The following DAB1 variants were observed in gnomAD, a reference collection of about 807,000 sequenced individuals.
The protein encoded by DAB1 is DAB adaptor protein 1.
DAB1 carries 15 observed loss-of-function variants against 64.6 expected under a neutral mutation model. That is an observed-to-expected ratio of 0.23 (90% CI 0.16 to 0.36). DAB1 has a LOEUF of 0.36. Ranked by LOEUF, DAB1 falls within the 10% of genes least tolerant of loss-of-function variation. DAB1 has a pLI of 1.00. For missense variants in DAB1, 596 were observed against 706.7 expected, an observed-to-expected ratio of 0.84 and a Z score of 1.78; for synonymous variants, 235 against 251.9, an observed-to-expected ratio of 0.93 and a Z score of 0.64.
At chr1:57,421,257 T>C (rs980019939) in intron 1 of DAB1, among the ~76,000 whole-genome samples, 1 of 152,202 alleles carries the variant, frequency 6.6e-6, no homozygotes, top group Non-Finnish European at 1.5e-5. Flanking sequence ...CAATGGTGTG[T>C]CTTGCAAATG....
intron 9 of DAB1, among the ~76,000 whole-genome samples, chr1:57,053,987 T>C (rs1649488715): frequency 1.3e-5 from 2 of 151,954 alleles, no homozygotes; most frequent in South Asian, 4.1e-4. Flanking sequence ...GCGCCCGGCC[T>C]AAGAAAGTCT....
chr1:58,128,257 G>T (rs886487038), intron 5 of DAB1, among the ~76,000 whole-genome samples: 2 of 151,258 alleles, frequency 1.3e-5, no homozygotes, highest in African/African-American at 4.9e-5. Context: ...TTGGCTCTCT[G>T]TTTGTCTGTT....
intron 5 of DAB1, among the ~76,000 whole-genome samples, chr1:58,140,053 C>T (rs1231485947): frequency 6.6e-6 from 1 of 152,170 alleles, no homozygotes; most frequent in Admixed American, 6.5e-5. Context: ...GAAGATTAAC[C>T]ATCCTCCCAC....
At chr1:57,364,619 A>G (rs1035986371) in intron 1 of DAB1, among the ~76,000 whole-genome samples, 2 of 152,140 alleles carry the variant, frequency 1.3e-5, no homozygotes, top group Non-Finnish European at 2.9e-5. Context: ...AATATATTTC[A>G]TAATAGCAAA....
At chr1:57,327,290 A>C (rs1410788770) in intron 1 of DAB1, among the ~76,000 whole-genome samples, 2 of 152,132 alleles carry the variant, frequency 1.3e-5, no homozygotes, top group Non-Finnish European at 2.9e-5. Flanking sequence ...CTACAGGCCC[A>C]GGATCCCACT....
chr1:57,218,903 G>A (rs960318154), intron 2 of DAB1, among the ~76,000 whole-genome samples: 1 of 152,108 alleles, frequency 6.6e-6, no homozygotes, highest in Non-Finnish European at 1.5e-5. Flanking sequence ...GAGGGGAGGG[G>A]CTTATCTAGC....
At chr1:58,222,280 GA>G (rs200731496) in intron 4 of DAB1, among the ~76,000 whole-genome samples, 12 of 148,878 alleles carry the variant, frequency 8.1e-5, no homozygotes, top group East Asian at 2.0e-4. Flanking sequence ...TATACATTTT[GA>G]AAAAAAAAAT....
chr1:58,201,809 G>A (rs953786605), intron 4 of DAB1, among the ~76,000 whole-genome samples: 3 of 152,104 alleles, frequency 2.0e-5, no homozygotes, highest in African/African-American at 7.2e-5. Context: ...TAAAATCTGG[G>A]ACAAATTGTG....
At chr1:58,091,896 T>G (rs1004012453) in intron 5 of DAB1, among the ~76,000 whole-genome samples, 1 of 151,420 alleles carries the variant, frequency 6.6e-6, no homozygotes, top group African/African-American at 2.4e-5. Context: ...CTCCTGATTT[T>G]TTTTTTCTTT....
At chr1:57,404,253 G>A (rs993029403) in intron 1 of DAB1, among the ~76,000 whole-genome samples, 4 of 152,132 alleles carry the variant, frequency 2.6e-5, no homozygotes, top group Non-Finnish European at 5.9e-5. Flanking sequence ...GAAAAATAAT[G>A]TATTGACAGA....
At chr1:57,312,891 T>C (rs1222133703) in intron 1 of DAB1, among the ~76,000 whole-genome samples, 1 of 152,084 alleles carries the variant, frequency 6.6e-6, no homozygotes, top group Admixed American at 6.6e-5. Context: ...GGTTCCACAC[T>C]TGGCCTAATG....
intron 4 of DAB1, among the ~76,000 whole-genome samples, chr1:57,090,449 C>T (rs1653546843): frequency 1.3e-5 from 2 of 152,186 alleles, no homozygotes; most frequent in South Asian, 4.1e-4. Flanking sequence ...TCAAGGGGCT[C>T]AGCCAGTTGG....
intron 5 of DAB1, among the ~76,000 whole-genome samples, chr1:57,915,218 A>G (rs1265512766): frequency 1.3e-5 from 2 of 151,672 alleles, no homozygotes; most frequent in Non-Finnish European, 2.9e-5. Context: ...ATGGAATGGC[A>G]AAACTATTAC....
intron 4 of DAB1, among the ~76,000 whole-genome samples, chr1:58,277,439 T>C (rs1031649239): frequency 6.6e-6 from 1 of 152,214 alleles, no homozygotes; most frequent in Non-Finnish European, 1.5e-5. Flanking sequence ...TAAGATGAGA[T>C]TGAGCTTCAC....
intron 5 of DAB1, among the ~76,000 whole-genome samples, chr1:58,118,483 T>TAC (rs1652492451): frequency 2.7e-5 from 2 of 74,664 alleles, no homozygotes; most frequent in African/African-American, 1.2e-4. Flanking sequence ...TATATATATA[T>TAC]ATATATATAT....
At chr1:57,181,917 G>A (rs1029391530) in intron 2 of DAB1, among the ~76,000 whole-genome samples, 12 of 152,070 alleles carry the variant, frequency 7.9e-5, no homozygotes, top group Admixed American at 2.6e-4. Context: ...ATGGAGTCTC[G>A]CTCTGTCACC....
chr1:58,238,414 A>G (rs1350497567), intron 4 of DAB1, among the ~76,000 whole-genome samples: 3 of 152,208 alleles, frequency 2.0e-5, no homozygotes, highest in Non-Finnish European at 2.9e-5. Context: ...GAATAGAGAC[A>G]TGGGAGAGCA....
chr1:58,358,946 T>A (rs1471929839), intron 3 of DAB1, among the ~76,000 whole-genome samples: 2 of 7,966 alleles, frequency 2.5e-4, no homozygotes, highest in African/African-American at 1.8e-3. Context: ...TCTCTCTCTC[T>A]CTCTGTAACA....
At chr1:57,473,465 C>T (rs1687212520) in intron 7 of DAB1, among the ~76,000 whole-genome samples, 1 of 152,196 alleles carries the variant, frequency 6.6e-6, no homozygotes, top group African/African-American at 2.4e-5. Flanking sequence ...TAAGACCTTT[C>T]CCCCACCCTA....
Sources: gnomAD v4.1 joint callset for allele counts (sites outside exome capture counted in the v4.1 genomes callset) on GRCh38, gnomAD v4.1.1 for gene constraint, MANE v1.5 for transcripts, NCBI Gene and HGNC (gene_info 2026-07-23, HGNC 2026-07-21) for gene names.